CCDC91: variants seen among roughly 807,000 people sequenced by gnomAD.
CCDC91 encodes the protein coiled-coil domain containing 91, also known as coiled-coil domain-containing protein 91.
CCDC91 carries 48 observed loss-of-function variants against 63.2 expected under a neutral mutation model. That is an observed-to-expected ratio of 0.76 (90% CI 0.60 to 0.97). CCDC91 has a LOEUF of 0.97. CCDC91 is among the 50% of genes least tolerant of loss of function. The probability of loss-of-function intolerance (pLI) is 0.00; values close to 1 mark genes in which losing one functional copy is unlikely to be tolerated. For synonymous variants in CCDC91, 167 were observed against 165.8 expected, an observed-to-expected ratio of 1.01 and a Z score of -0.06; for missense variants, 500 against 494.6, an observed-to-expected ratio of 1.01 and a Z score of -0.10.
chr12:28,378,320 A>G (rs1156312114), intron 7 of CCDC91, among the ~76,000 whole-genome samples: 2 of 152,094 alleles, frequency 1.3e-5, no homozygotes, highest in Non-Finnish European at 2.9e-5. Context: ...CAGCTTGAGT[A>G]TCACATGACT....
At position 28,460,592 on chromosome 12, in the gene CCDC91, A is replaced by T. The variant is rs148294296; in HGVS notation, c.1101+7938A>T. On this transcript the variant is annotated intron_variant, in intron 11 of 12. Transcript: ENST00000536442. The stretch of plus-strand genomic sequence containing the variant: ...AAGAAAGATAATAGATTGGTGAAAA[A>T]GCTTAGAAACCATAACTATCATGCA... 4.3e-4 allele frequency among the ~76,000 whole-genome samples: 66 copies of T among 152,220 alleles called. 2 individuals are homozygous for T. The East Asian group carries it at 0.011, about 24-fold the overall frequency.
chr12:28,425,410 C>T (rs748506713), intron 8 of CCDC91, among the ~76,000 whole-genome samples: 17 of 152,070 alleles, frequency 1.1e-4, no homozygotes, highest in African/African-American at 1.9e-4. Context: ...CTTTCTTCCT[C>T]GTCTACTCCA....
chr12:28,451,721 T>C (rs1949812133), intron 10 of CCDC91, among the ~76,000 whole-genome samples: 1 of 151,684 alleles, frequency 6.6e-6, no homozygotes, highest in Non-Finnish European at 1.5e-5. Flanking sequence ...TGTAATATAA[T>C]AGCATGAAAA....
chr12:28,412,775 C>T (rs772383545), intron 8 of CCDC91: 40 of 453,462 alleles, frequency 8.8e-5, no homozygotes, highest in African/African-American at 1.8e-4. Flanking sequence ...TTCAATCCTT[C>T]CTGCGATTGG....
At chr12:28,306,569 G>A (rs1158199404) in intron 4 of CCDC91, among the ~76,000 whole-genome samples, 173 bp from the exon 5 acceptor site, 4 of 151,966 alleles carry the variant, frequency 2.6e-5, no homozygotes, top group African/African-American at 9.7e-5. Flanking sequence ...CAAAGATCGG[G>A]TTGTTGTAAA....
intron 11 of CCDC91, among the ~76,000 whole-genome samples, chr12:28,453,932 C>G (rs1428835260): frequency 6.6e-6 from 1 of 151,950 alleles, no homozygotes; most frequent in Non-Finnish European, 1.5e-5. Context: ...ATTCGTCATC[C>G]TAATGGAAAA....
At chr12:28,201,273 G>A (rs1316183647) in intron 1 of CCDC91, among the ~76,000 whole-genome samples, 5 of 148,072 alleles carry the variant, frequency 3.4e-5, no homozygotes, top group Non-Finnish European at 7.6e-5. Flanking sequence ...CTTCTCAGAC[G>A]GGCGGTTGCC....
chr12:28,290,825 T>G (rs1328506415), intron 3 of CCDC91, among the ~76,000 whole-genome samples: 3 of 152,220 alleles, frequency 2.0e-5, no homozygotes, highest in African/African-American at 7.2e-5. Flanking sequence ...CCAACTCATG[T>G]TTTTTAAAAG....
chr12:28,492,114 CA>C (rs1440321268), intron 12 of CCDC91, among the ~76,000 whole-genome samples: 2 of 151,708 alleles, frequency 1.3e-5, no homozygotes, highest in Non-Finnish European at 2.9e-5. Context: ...AAATTGCCAG[CA>C]TCTTAATCTG....
rs375459584 is a variant in CCDC91 at position 28,441,322 on chromosome 12, A to G, written c.763-8839A>G. On this transcript the variant is annotated intron_variant, in intron 8 of 12. Transcript: ENST00000536442. Reference sequence around the variant, plus strand: ...TACAACCATTTTGGAAAAAGATTTGACAGTTTTTTATAAATTTAATCATAC... The same window carrying G: ...TACAACCATTTTGGAAAAAGATTTGGCAGTTTTTTATAAATTTAATCATAC... Among the ~76,000 whole-genome samples the G allele has an allele frequency of 1.1e-4, 16 of 151,968 alleles. No individual in the cohort carries two copies. In the East Asian group the frequency reaches 1.3e-3, roughly 13 times the overall value.
At chr12:28,271,990 TTAGA>T (rs1192862389) in intron 3 of CCDC91, among the ~76,000 whole-genome samples, 2 of 151,308 alleles carry the variant, frequency 1.3e-5, no homozygotes, top group African/African-American at 4.8e-5. Flanking sequence ...CTTATTCTTG[TTAGA>T]TAGATTCCTC....
intron 7 of CCDC91, among the ~76,000 whole-genome samples, chr12:28,385,018 C>T (rs1945514116): frequency 6.6e-6 from 1 of 151,458 alleles, no homozygotes; most frequent in Admixed American, 6.6e-5. Context: ...GGGCTTGTAC[C>T]AGAAAAAAAA....
chr12:28,394,267 C>T lies in CCDC91; in HGVS notation c.762+2856C>T, dbSNP rs374348297. ...CGATCACAAGGTCAGAAGATTGAGA[C>T]CATCCTGGCTAACAGGGTGAAACCC... is the stretch of plus-strand genomic sequence containing the variant. On this transcript the variant is annotated intron_variant, in intron 8 of 12. Transcript: ENST00000536442. Among the ~76,000 whole-genome samples the T allele has an allele frequency of 8.5e-5, 13 of 152,210 alleles. No individual in the cohort carries two copies. The South Asian group carries it at 2.7e-3, about 32-fold the overall frequency.
intron 7 of CCDC91, among the ~76,000 whole-genome samples, chr12:28,379,986 T>C (rs1372764311): frequency 1.3e-5 from 2 of 152,158 alleles, no homozygotes; most frequent in Non-Finnish European, 2.9e-5. Flanking sequence ...AATGGAATAC[T>C]ATGCAGCCAT....
intron 12 of CCDC91, among the ~76,000 whole-genome samples, chr12:28,491,567 A>G (rs1224743574): frequency 2.0e-5 from 3 of 151,820 alleles, no homozygotes; most frequent in Non-Finnish European, 4.4e-5. Flanking sequence ...ATCAGGATGG[A>G]CTTTTGGTTT....
chr12:28,479,325 AAGC>A (rs1417396741), intron 11 of CCDC91, among the ~76,000 whole-genome samples: 2 of 152,190 alleles, frequency 1.3e-5, no homozygotes, highest in East Asian at 1.9e-4. Context: ...GACATGGATG[AAGC>A]TGGTAACCAT....
intron 6 of CCDC91, among the ~76,000 whole-genome samples, chr12:28,311,646 G>C (rs950644443): frequency 5.9e-5 from 9 of 152,024 alleles, no homozygotes; most frequent in African/African-American, 1.2e-4. Context: ...TTAGAAGAAA[G>C]TATTTTGTTT....
intron 8 of CCDC91, among the ~76,000 whole-genome samples, chr12:28,436,306 A>T (rs923813702): frequency 6.6e-6 from 1 of 151,878 alleles, no homozygotes; most frequent in South Asian, 2.1e-4. Context: ...TTTGTACTGT[A>T]CATTTACAAC....
At chr12:28,405,345 T>C (rs1357371107) in intron 8 of CCDC91, among the ~76,000 whole-genome samples, 1 of 152,156 alleles carries the variant, frequency 6.6e-6, no homozygotes, top group Non-Finnish European at 1.5e-5. Context: ...ATTGATGTCA[T>C]TCATTTTACT....
Sources: allele counts gnomAD v4.1 joint callset (sites outside exome capture counted in the v4.1 genomes callset), GRCh38; gene constraint gnomAD v4.1.1; transcripts MANE v1.5; gene names NCBI Gene and HGNC (gene_info 2026-07-23, HGNC 2026-07-21).